Variants in STK38L observed in about 807,000 individuals in gnomAD.
STK38L encodes serine/threonine kinase 38 like, also known as serine/threonine-protein kinase 38-like.
Under a neutral mutation model 59.7 loss-of-function variants are expected in STK38L, and 28 were observed. That is an observed-to-expected ratio of 0.47 (90% CI 0.35 to 0.64). The LOEUF (loss-of-function observed/expected upper bound fraction) is 0.64. Ranked by LOEUF, STK38L falls within the 30% of genes least tolerant of loss-of-function variation. The pLI is 0.01. For synonymous variants in STK38L, 162 were observed against 176.8 expected, an observed-to-expected ratio of 0.92 and a Z score of 0.66; for missense variants, 314 against 555.8, an observed-to-expected ratio of 0.56 and a Z score of 4.37.
intron 2 of STK38L, 113 bp from the exon 3 acceptor site, chr12:27,302,018 GTTTTTT>G (rs34324091): frequency 2.0e-6 from 1 of 511,702 alleles, no homozygotes; most frequent in Non-Finnish European, 3.0e-6. Flanking sequence ...CAACTTGAAA[GTTTTTT>G]TTTTTTTAGC....
At chr12:27,248,913 A>G (rs538829620) in intron 1 of STK38L, among the ~76,000 whole-genome samples, 72 of 152,334 alleles carry the variant, frequency 4.7e-4, no homozygotes, top group African/African-American at 1.7e-3. Context: ...TCCATTTACC[A>G]TGCCCTGATT....
chr12:27,254,005 C>T (rs1943033560), intron 1 of STK38L, among the ~76,000 whole-genome samples: 2 of 152,196 alleles, frequency 1.3e-5, no homozygotes, highest in Admixed American at 1.3e-4. Context: ...TTGTCTCTTG[C>T]TTCCATTTTG....
At chr12:27,278,284 G>C (rs1157067561) in intron 1 of STK38L, among the ~76,000 whole-genome samples, 1 of 152,138 alleles carries the variant, frequency 6.6e-6, no homozygotes, top group Non-Finnish European at 1.5e-5. Context: ...TTACCACCAG[G>C]CATTTAGTTA....
intron 2 of STK38L, chr12:27,300,690 C>A: frequency 6.7e-6 from 3 of 444,986 alleles, no homozygotes; most frequent in Admixed American, 2.5e-5. Context: ...AAACAAAAGA[C>A]AAAAATCAGT....
At chr12:27,284,570 A>G (rs1247255038) in intron 1 of STK38L, among the ~76,000 whole-genome samples, 1 of 152,214 alleles carries the variant, frequency 6.6e-6, no homozygotes, top group Non-Finnish European at 1.5e-5. Context: ...TGCTAAATAG[A>G]ATTGAACTTA....
rs1259789636 is a variant in STK38L, at chr12:27,325,601, A to C, written c.*3146A>C. The stretch of plus-strand genomic sequence containing the variant: ...AACTGTTTTGCTACAACCCATGATT[A>C]TTTTCCTGTTGTGTTTATTTAAATT... On this transcript the variant is annotated 3_prime_UTR_variant, in exon 14 of 14. Coordinates refer to ENST00000389032, the MANE Select transcript of STK38L (RefSeq NM_015000.4). 1 of 152,034 alleles carries C rather than the reference A, an allele frequency of 6.6e-6. No homozygotes were observed. Among genetic ancestry groups the C allele is most frequent in the Non-Finnish European group, 1.5e-5 (1 of 67,958 alleles). The allele number at this position is 152,034 out of a possible 1,614,324, so 9.4% of individuals were successfully genotyped here.
intron 2 of STK38L, among the ~76,000 whole-genome samples, chr12:27,301,856 C>T (rs1052629435): frequency 6.6e-6 from 1 of 152,042 alleles, no homozygotes; most frequent in African/African-American, 2.4e-5. Flanking sequence ...GCAGAGTTTT[C>T]CATATTAGAA....
rs1352423606 is a variant in STK38L, at chr12:27,312,148, G to A, written c.394-401G>A. Among the ~76,000 whole-genome samples, 4 of 152,172 alleles carry A rather than the reference G, an allele frequency of 2.6e-5. No homozygotes were observed. In the East Asian group the frequency reaches 5.8e-4, roughly 22 times the overall value. The stretch of plus-strand genomic sequence containing the variant: ...CCTGCCCTGGCCTCCCAAAGTGCTG[G>A]GATTACAGGCGTGAGCCACTGTGCC... On this transcript the variant is annotated intron_variant, in intron 5 of 13. Transcript: ENST00000389032.
intron 6 of STK38L, 58 bp from the exon 7 acceptor site, chr12:27,314,446 A>G (rs1944536477): frequency 1.5e-6 from 2 of 1,327,412 alleles, no homozygotes; most frequent in Admixed American, 2.8e-5. Flanking sequence ...AGCTTTTACA[A>G]GGTATTCCAC....
At chr12:27,251,718 G>A (rs576060213) in intron 1 of STK38L, among the ~76,000 whole-genome samples, 1 of 152,314 alleles carries the variant, frequency 6.6e-6, no homozygotes, top group South Asian at 2.1e-4. Flanking sequence ...TATCATTATA[G>A]CATGGCATTT....
At chr12:27,262,800 A>ATT (rs34286400) in intron 1 of STK38L, among the ~76,000 whole-genome samples, 24,871 of 140,816 alleles carry the variant, frequency 0.18, 2,521 homozygotes, top group Non-Finnish European at 0.23. Flanking sequence ...GACTCTGAGA[A>ATT]TTTTTTTTTT....
chr12:27,290,526 C>G (rs375693920), intron 1 of STK38L, among the ~76,000 whole-genome samples: 5 of 152,278 alleles, frequency 3.3e-5, no homozygotes, highest in African/African-American at 9.6e-5. Flanking sequence ...GATCATTTAC[C>G]CAGTCATCCA....
At chr12:27,270,326 GC>G (rs1943397433) in intron 1 of STK38L, among the ~76,000 whole-genome samples, 1 of 151,432 alleles carries the variant, frequency 6.6e-6, no homozygotes, top group African/African-American at 2.4e-5. Context: ...TCCCACCTCA[GC>G]CTGCCAAGTA....
intron 1 of STK38L, among the ~76,000 whole-genome samples, chr12:27,266,435 A>G (rs961575575): frequency 2.0e-5 from 3 of 152,190 alleles, no homozygotes; most frequent in African/African-American, 4.8e-5. Context: ...ATTGAACTTT[A>G]CTTAAGTAAC....
intron 9 of STK38L, among the ~76,000 whole-genome samples, chr12:27,316,997 T>C (rs1227742247): frequency 6.6e-6 from 1 of 152,124 alleles, no homozygotes; most frequent in Non-Finnish European, 1.5e-5. Flanking sequence ...GCTATATATA[T>C]AAATAACTTA....
intron 1 of STK38L, 109 bp from the exon 2 acceptor site, chr12:27,297,601 C>CTAGT (rs1238628958): frequency 8.8e-7 from 1 of 1,135,200 alleles, no homozygotes; most frequent in Non-Finnish European, 1.2e-6. Context: ...GATGTGTTAA[C>CTAGT]TGTTAGGGTC....
chr12:27,292,285 ATAATT>A (rs1243414816), intron 1 of STK38L, among the ~76,000 whole-genome samples: 2 of 152,238 alleles, frequency 1.3e-5, no homozygotes, highest in Non-Finnish European at 2.9e-5. Context: ...TTAGTTTTGT[ATAATT>A]TAAATTTTTA....
At chr12:27,244,851 C>A (rs946111038) in intron 1 of STK38L, among the ~76,000 whole-genome samples, 2 of 152,186 alleles carry the variant, frequency 1.3e-5, no homozygotes, top group African/African-American at 2.4e-5. Context: ...CTCCTAGAAG[C>A]CACGGAGTGC....
chr12:27,277,629 T>C (rs1943566410), intron 1 of STK38L, among the ~76,000 whole-genome samples: 1 of 152,184 alleles, frequency 6.6e-6, no homozygotes, highest in Non-Finnish European at 1.5e-5. Flanking sequence ...TATCTCATAA[T>C]TCTTTAAAAA....
Sources: gnomAD v4.1 joint callset for allele counts (sites outside exome capture counted in the v4.1 genomes callset) on GRCh38, gnomAD v4.1.1 for gene constraint, MANE v1.5 for transcripts, NCBI Gene and HGNC (gene_info 2026-07-23, HGNC 2026-07-21) for gene names.